KCNQ5: variants seen among roughly 807,000 people sequenced by gnomAD.
KCNQ5 encodes potassium voltage-gated channel subfamily KQT member 5.
A neutral mutation model predicts 98.2 loss-of-function variants in KCNQ5; 30 were observed. That is an observed-to-expected ratio of 0.31 (90% CI 0.23 to 0.41). KCNQ5 has a LOEUF of 0.41. KCNQ5 is among the 10% of genes least tolerant of loss of function. The pLI is 1.00. For synonymous variants in KCNQ5, 458 were observed against 449.4 expected, an observed-to-expected ratio of 1.02 and a Z score of -0.24; for missense variants, 835 against 1,182.5, an observed-to-expected ratio of 0.71 and a Z score of 4.31.
At chr6:72,699,800 A>G (rs1210156285) in intron 1 of KCNQ5, among the ~76,000 whole-genome samples, 1 of 152,220 alleles carries the variant, frequency 6.6e-6, no homozygotes, top group Admixed American at 6.5e-5. Flanking sequence ...TTCAGACTTA[A>G]GTACTCTTAT....
chr6:73,176,924 A>G (rs1196543469), intron 11 of KCNQ5, among the ~76,000 whole-genome samples: 1 of 152,162 alleles, frequency 6.6e-6, no homozygotes. Context: ...TGGAAGTCTC[A>G]CCCCAGGGAG....
At chr6:72,779,255 A>G (rs1442827541) in intron 1 of KCNQ5, among the ~76,000 whole-genome samples, 1 of 152,188 alleles carries the variant, frequency 6.6e-6, no homozygotes, top group African/African-American at 2.4e-5. Context: ...CTGGAGGAAG[A>G]AGGAGAGGCC....
At chr6:72,812,914 C>G (rs1775311406) in intron 1 of KCNQ5, among the ~76,000 whole-genome samples, 1 of 152,076 alleles carries the variant, frequency 6.6e-6, no homozygotes, top group Non-Finnish European at 1.5e-5. Context: ...CACTATTTTT[C>G]TAATTTACGT....
chr6:72,903,759 A>G (rs113329067), intron 1 of KCNQ5, among the ~76,000 whole-genome samples: 12 of 152,256 alleles, frequency 7.9e-5, no homozygotes, highest in African/African-American at 2.6e-4. Flanking sequence ...GATATGGTCT[A>G]TCTTGGAGAA....
chr6:73,028,219 A>T (rs1200874667), intron 2 of KCNQ5, among the ~76,000 whole-genome samples: 1 of 152,124 alleles, frequency 6.6e-6, no homozygotes, highest in African/African-American at 2.4e-5. Context: ...CTGCAGAGAG[A>T]TTCTTGGGGC....
At chr6:72,894,929 A>G (rs1390384013) in intron 1 of KCNQ5, among the ~76,000 whole-genome samples, 2 of 152,018 alleles carry the variant, frequency 1.3e-5, no homozygotes, top group African/African-American at 4.8e-5. Context: ...TGCAGTAATT[A>G]TTAGCTGGGA....
intron 3 of KCNQ5, among the ~76,000 whole-genome samples, chr6:73,052,494 G>A (rs1420234666): frequency 6.6e-6 from 1 of 152,098 alleles, no homozygotes; most frequent in African/African-American, 2.4e-5. Flanking sequence ...AAAGAGAAGG[G>A]GCAGGCCACC....
chr6:72,755,969 G>A (rs73753901), intron 1 of KCNQ5, among the ~76,000 whole-genome samples: 9,496 of 152,098 alleles, frequency 0.062, 969 homozygotes, highest in African/African-American at 0.21. Context: ...CCTCTCTCTC[G>A]TTTCCTGCTC....
intron 5 of KCNQ5, 110 bp from the exon 6 acceptor site, chr6:73,105,147 C>A (rs1283845189): frequency 3.5e-6 from 2 of 572,532 alleles, no homozygotes; most frequent in Non-Finnish European, 3.1e-6. Context: ...AAAGCACGAA[C>A]AAGATTTGTT....
chr6:72,975,223 A>T (rs1046910663), intron 1 of KCNQ5, among the ~76,000 whole-genome samples: 1 of 152,140 alleles, frequency 6.6e-6, no homozygotes, highest in Non-Finnish European at 1.5e-5. Context: ...CTACCTACAT[A>T]AAATCATCAA....
At chr6:73,079,364 T>C (rs985242125) in intron 5 of KCNQ5, among the ~76,000 whole-genome samples, 2 of 152,244 alleles carry the variant, frequency 1.3e-5, no homozygotes, top group Non-Finnish European at 2.9e-5. Context: ...TATCATTTTC[T>C]TAAGCTGTGA....
chr6:73,176,810 C>G (rs1466431798), intron 11 of KCNQ5, among the ~76,000 whole-genome samples: 1 of 152,112 alleles, frequency 6.6e-6, no homozygotes, highest in African/African-American at 2.4e-5. Flanking sequence ...CAAGCAGTCA[C>G]AGTAGGGCTC....
intron 1 of KCNQ5, among the ~76,000 whole-genome samples, chr6:72,967,001 G>A (rs753041487): frequency 1.2e-4 from 18 of 152,140 alleles, no homozygotes; most frequent in Non-Finnish European, 2.1e-4. Context: ...TAGAAGGACA[G>A]GAATATACTC....
chr6:72,715,439 C>T (rs1352156876), intron 1 of KCNQ5, among the ~76,000 whole-genome samples: 11 of 152,122 alleles, frequency 7.2e-5, no homozygotes, highest in Non-Finnish European at 2.9e-5. Context: ...ATGCTTTAGG[C>T]TCTCAATAAA....
chr6:72,637,427 G>A (rs529031636), intron 1 of KCNQ5, among the ~76,000 whole-genome samples: 1 of 151,894 alleles, frequency 6.6e-6, no homozygotes, highest in Non-Finnish European at 1.5e-5. Flanking sequence ...TGCATATTGT[G>A]TTATTGGAAC....
At position 73,195,986 on chromosome 6, in the gene KCNQ5, G is replaced by A. The variant is rs1765778130; in HGVS notation, c.*572G>A. 6.5e-6 allele frequency: 1 copy of A among 154,326 alleles called. No individual in the cohort carries two copies. Among genetic ancestry groups the A allele is most frequent in the Non-Finnish European group, 1.4e-5 (1 of 69,192 alleles). 9.6% of individuals were successfully genotyped at this position (154,326 alleles called of 1,614,324 possible). A position where few individuals can be genotyped will look rare whatever the true frequency, so the allele number is the denominator to read the frequency against. On this transcript the variant is annotated 3_prime_UTR_variant, in exon 14 of 14. Transcript: ENST00000370398. ...TTGAATGTCAATTTGTGTGCTTTTG[G>A]TGATTTAGCGCTGTGGCAAGCAATT...
chr6:73,190,845 T>C, intron 12 of KCNQ5, 141 bp downstream of exon 12: 1 of 464,776 alleles, frequency 2.2e-6, no homozygotes. Flanking sequence ...CTTTAAACAT[T>C]GATTTTATTT....
At chr6:72,726,753 A>C (rs1460177601) in intron 1 of KCNQ5, among the ~76,000 whole-genome samples, 1 of 152,226 alleles carries the variant, frequency 6.6e-6, no homozygotes, top group African/African-American at 2.4e-5. Flanking sequence ...AGTTAAAGGA[A>C]AGAAAGAACA....
At chr6:72,744,807 C>A (rs1325430724) in intron 1 of KCNQ5, among the ~76,000 whole-genome samples, 2 of 147,872 alleles carry the variant, frequency 1.4e-5, no homozygotes, top group Non-Finnish European at 3.0e-5. Context: ...GAGACTCCGT[C>A]TAAAAAAAAA....
Sources: allele counts gnomAD v4.1 joint callset (sites outside exome capture counted in the v4.1 genomes callset), GRCh38; gene constraint gnomAD v4.1.1; transcripts MANE v1.5; gene names NCBI Gene and HGNC (gene_info 2026-07-23, HGNC 2026-07-21).